NME7: variants seen among roughly 807,000 people sequenced by gnomAD.
The protein encoded by NME7 is nucleoside diphosphate kinase 7.
In NME7, 41 loss-of-function variants were observed where a neutral mutation model predicts 49.1. The observed-to-expected ratio is 0.83, with a 90% CI of 0.65 to 1.08. The LOEUF is 1.08. Ranked by LOEUF, NME7 falls within the 50% of genes least tolerant of loss-of-function variation. The pLI, the probability that NME7 is intolerant of heterozygous loss-of-function variation, is 0.00. For missense variants in NME7, 423 were observed against 463.4 expected (o/e 0.91, Z 0.80); for synonymous variants, 139 against 150.6 (o/e 0.92, Z 0.56).
chr1:169,349,973 C>G (rs1053569483), intron 1 of NME7, among the ~76,000 whole-genome samples: 1 of 151,898 alleles, frequency 6.6e-6, no homozygotes, highest in African/African-American at 2.4e-5. Context: ...GATGGATTGC[C>G]TGAGGACAGG....
At chr1:169,241,191 G>A (rs2101832963) in intron 7 of NME7, among the ~76,000 whole-genome samples, 1 of 152,170 alleles carries the variant, frequency 6.6e-6, no homozygotes, top group South Asian at 2.1e-4. Flanking sequence ...GGATCAAAAA[G>A]TAATAAAATT....
intron 3 of NME7, among the ~76,000 whole-genome samples, chr1:169,322,677 AAT>A (rs143850615): frequency 1.0e-4 from 15 of 148,704 alleles, no homozygotes; most frequent in South Asian, 2.1e-4. Flanking sequence ...ATTAGATATA[AAT>A]ATATATATAT....
chr1:169,296,825 A>G (rs1650726860), intron 6 of NME7, among the ~76,000 whole-genome samples: 1 of 151,992 alleles, frequency 6.6e-6, no homozygotes, highest in African/African-American at 2.4e-5. Flanking sequence ...AATCTTGTTT[A>G]TTTGACCTTC....
intron 10 of NME7, among the ~76,000 whole-genome samples, chr1:169,202,747 G>A (rs2101780964): frequency 6.6e-6 from 1 of 152,314 alleles, no homozygotes; most frequent in African/African-American, 2.4e-5. Flanking sequence ...CAACAGGCTA[G>A]GAAGCATAAT....
intron 11 of NME7, among the ~76,000 whole-genome samples, chr1:169,145,861 T>C (rs191056677): frequency 1.3e-5 from 2 of 152,304 alleles, no homozygotes; most frequent in Non-Finnish European, 1.5e-5. Context: ...ACAAGAGATG[T>C]GAGCTAAATG....
intron 7 of NME7, among the ~76,000 whole-genome samples, chr1:169,254,237 C>T (rs1648787197): frequency 6.6e-6 from 1 of 151,788 alleles, no homozygotes; most frequent in African/African-American, 2.4e-5. Context: ...GCCACAATTT[C>T]AGATCCTGTT....
chr1:169,350,370 G>T (rs1379102582), intron 1 of NME7, among the ~76,000 whole-genome samples: 2 of 151,936 alleles, frequency 1.3e-5, no homozygotes, highest in Admixed American at 1.3e-4. Flanking sequence ...GGATAGAGAG[G>T]TATTAATAAA....
intron 1 of NME7, among the ~76,000 whole-genome samples, chr1:169,357,556 A>C (rs1367840870): frequency 6.6e-6 from 1 of 152,150 alleles, no homozygotes; most frequent in Non-Finnish European, 1.5e-5. Context: ...CATTCTTTGC[A>C]TAAAAACTTG....
intron 1 of NME7, among the ~76,000 whole-genome samples, chr1:169,336,494 C>G (rs1391086497): frequency 6.6e-6 from 1 of 152,150 alleles, no homozygotes; most frequent in Non-Finnish European, 1.5e-5. Context: ...CTTCACGTCC[C>G]CATCAGATTA....
rs116149237 is a variant in NME7 at position 169,201,605 on chromosome 1, G to A, written c.990+29113C>T. Among the ~76,000 whole-genome samples, 1,036 of 152,204 alleles carry A rather than the reference G, an allele frequency of 6.8e-3. 14 individuals are homozygous for A. Among genetic ancestry groups the A allele is most frequent in the African/African-American group, 0.023 (975 of 41,544 alleles). On this transcript the variant is annotated intron_variant, in intron 10 of 11. Coordinates refer to ENST00000367811, the MANE Select transcript of NME7 (RefSeq NM_013330.5). ...GACTTGATTGACTATAATGGGTTGG[G>A]GAAAGGCAAAAGCAAAGACACACTT... is the stretch of plus-strand genomic sequence containing the variant.
At chr1:169,312,640 A>G (rs1424948167) in intron 3 of NME7, among the ~76,000 whole-genome samples, 2 of 152,252 alleles carry the variant, frequency 1.3e-5, no homozygotes, top group East Asian at 3.8e-4. Flanking sequence ...TCACAGAGCT[A>G]TGCAATAAAT....
rs764704872 is a variant in NME7, at chr1:169,298,537, T to C, written c.648+19A>G. ...TAACAGAACTAGAAGAGCATTAAAA[T>C]ATTTTTAAAACACCTTACTCTGGCC... is the stretch of plus-strand genomic sequence containing the variant. On this transcript the variant is annotated intron_variant, in intron 6 of 11. Coordinates refer to ENST00000367811, the MANE Select transcript of NME7 (RefSeq NM_013330.5). The C allele has an allele frequency of 3.1e-6, 5 of 1,608,004 alleles. No homozygotes were observed. The South Asian group carries it at 3.3e-5, about 11-fold the overall frequency.
intron 3 of NME7, among the ~76,000 whole-genome samples, chr1:169,317,873 G>T (rs1029107442): frequency 6.6e-6 from 1 of 152,108 alleles, no homozygotes; most frequent in African/African-American, 2.4e-5. Context: ...TCTTCCATTT[G>T]CTTCTCCATG....
At chr1:169,221,388 C>T (rs1661137151) in intron 10 of NME7, among the ~76,000 whole-genome samples, 3 of 152,180 alleles carry the variant, frequency 2.0e-5, no homozygotes, top group Non-Finnish European at 4.4e-5. Flanking sequence ...GAGATCTGCC[C>T]TGTCCCTCAT....
chr1:169,157,657 G>T (rs1200164), intron 11 of NME7, among the ~76,000 whole-genome samples: 5 of 152,014 alleles, frequency 3.3e-5, no homozygotes, highest in African/African-American at 9.7e-5. Flanking sequence ...CTGGAGTTCC[G>T]TTGGAAGTGT....
intron 1 of NME7, among the ~76,000 whole-genome samples, chr1:169,361,702 C>T (rs916426708): frequency 6.6e-6 from 1 of 151,680 alleles, no homozygotes; most frequent in Non-Finnish European, 1.5e-5. Context: ...ATTGCTTGAA[C>T]CCAGGAGGCA....
intron 7 of NME7, among the ~76,000 whole-genome samples, chr1:169,283,391 C>A (rs955565774): frequency 6.6e-6 from 1 of 152,124 alleles, no homozygotes; most frequent in East Asian, 1.9e-4. Context: ...GGTCTTGACT[C>A]TTTACCCAAT....
intron 1 of NME7, among the ~76,000 whole-genome samples, chr1:169,359,198 C>T (rs534693554): frequency 6.6e-6 from 1 of 152,206 alleles, no homozygotes; most frequent in African/African-American, 2.4e-5. Flanking sequence ...AAATTACTTA[C>T]AACACGTAAT....
rs541863927 is a variant in NME7, at chr1:169,354,120, A to G, written c.3+13588T>C. Among the ~76,000 whole-genome samples, 3 of 152,310 alleles carry G rather than the reference A, an allele frequency of 2.0e-5. No individual in the cohort carries two copies. The East Asian group carries it at 5.8e-4, about 29-fold the overall frequency. ...TCCCATGTTTATTGCAGCACTATTG[A>G]CAACAGTCAAAATTTGGAAGCAACC... On this transcript the variant is annotated intron_variant, in intron 1 of 11. Transcript: ENST00000367811.
Sources: gnomAD v4.1 joint callset for allele counts (sites outside exome capture counted in the v4.1 genomes callset) on GRCh38, gnomAD v4.1.1 for gene constraint, MANE v1.5 for transcripts, NCBI Gene and HGNC (gene_info 2026-07-23, HGNC 2026-07-21) for gene names.